The following RALGAPA1 variants were observed in gnomAD, a reference collection of about 807,000 sequenced individuals.
RALGAPA1 encodes ral GTPase-activating protein subunit alpha-1.
RALGAPA1 carries 52 observed loss-of-function variants against 269.6 expected under a neutral mutation model. That is an observed-to-expected ratio of 0.19 (90% confidence interval 0.15 to 0.24). The LOEUF is 0.24. RALGAPA1 is among the 10% of genes least tolerant of loss of function. The pLI is 1.00. For synonymous variants in RALGAPA1, 817 were observed against 1,008.3 expected, an observed-to-expected ratio of 0.81 and a Z score of 3.60; for missense variants, 1,917 against 3,013.9, an observed-to-expected ratio of 0.64 and a Z score of 8.52.
chr14:35,582,420 T>C (rs1396695022), intron 37 of RALGAPA1, among the ~76,000 whole-genome samples: 2 of 152,208 alleles, frequency 1.3e-5, no homozygotes, highest in Admixed American at 1.3e-4. Context: ...CAACAATTCT[T>C]TTTAGCATCA....
intron 1 of RALGAPA1, among the ~76,000 whole-genome samples, chr14:35,785,698 C>A (rs2075750136): frequency 6.6e-6 from 1 of 152,176 alleles, no homozygotes; most frequent in South Asian, 2.1e-4. Context: ...CAGGATTGGT[C>A]TACACCCCAT....
chr14:35,623,277 A>G (rs1566850243), intron 35 of RALGAPA1, among the ~76,000 whole-genome samples: 1 of 152,130 alleles, frequency 6.6e-6, no homozygotes, highest in Admixed American at 6.6e-5. Context: ...CTAAACAACC[A>G]GGAAAGCTCC....
chr14:35,769,065 T>TATAC (rs1237249622), intron 4 of RALGAPA1, among the ~76,000 whole-genome samples: 50 of 77,772 alleles, frequency 6.4e-4, no homozygotes, highest in African/African-American at 2.0e-3. Flanking sequence ...TATATATATA[T>TATAC]ACACACACAT....
chr14:35,675,990 T>G (rs2064902060), intron 22 of RALGAPA1, among the ~76,000 whole-genome samples: 1 of 152,016 alleles, frequency 6.6e-6, no homozygotes, highest in Non-Finnish European at 1.5e-5. Flanking sequence ...AAGGTACTAG[T>G]CTTTCTCCAT....
At chr14:35,641,721 C>T (rs997223864) in intron 31 of RALGAPA1, among the ~76,000 whole-genome samples, 2 of 152,152 alleles carry the variant, frequency 1.3e-5, no homozygotes, top group African/African-American at 4.8e-5. Flanking sequence ...ATGCCAATGA[C>T]ATTCTTTATA....
At chr14:35,755,555 G>A (rs965005666) in intron 7 of RALGAPA1, among the ~76,000 whole-genome samples, 3 of 133,662 alleles carry the variant, frequency 2.2e-5, no homozygotes, top group Admixed American at 7.0e-5. Flanking sequence ...TCTATATGAA[G>A]TACAAAAGTA....
In RALGAPA1 at chr14:35,676,229, G is replaced by A. The variant is rs1280481576; in HGVS notation, c.4625-1520C>T. On this transcript the variant is annotated intron_variant, in intron 22 of 41. Coordinates refer to ENST00000680220, the MANE Select transcript of RALGAPA1 (RefSeq NM_001346249.2). ...TGATTAAATTCTTTTTTTTTTTTTTGAGACAGTCTCACTCTGTTACCCAGG... is the reference window on the plus strand; with the variant it reads ...TGATTAAATTCTTTTTTTTTTTTTTAAGACAGTCTCACTCTGTTACCCAGG... The A allele has an allele frequency of 3.0e-5, 4 of 132,812 alleles. No homozygotes were observed. In the East Asian group the frequency reaches 8.6e-4, roughly 29 times the overall value. 8.2% of individuals were successfully genotyped at this position (132,812 alleles called of 1,614,324 possible). A position where few individuals can be genotyped will look rare whatever the true frequency, so the allele number is the denominator to read the frequency against.
chr14:35,572,445 C>T, intron 38 of RALGAPA1, 115 bp downstream of exon 38: 1 of 749,068 alleles, frequency 1.3e-6, no homozygotes, highest in Non-Finnish European at 2.1e-6. Flanking sequence ...AACATTTACC[C>T]TCAGTTTCAC....
At chr14:35,637,961 T>C (rs1448364035) in intron 31 of RALGAPA1, among the ~76,000 whole-genome samples, 2 of 152,194 alleles carry the variant, frequency 1.3e-5, no homozygotes, top group Non-Finnish European at 2.9e-5. Flanking sequence ...AAATAATATA[T>C]CCAGTGAAAA....
chr14:35,659,667 C>T (rs1207242463), intron 27 of RALGAPA1, among the ~76,000 whole-genome samples: 3 of 150,392 alleles, frequency 2.0e-5, no homozygotes, highest in African/African-American at 4.9e-5. Context: ...AAGGCATTAC[C>T]AGAAAAAAAA....
intron 31 of RALGAPA1, among the ~76,000 whole-genome samples, chr14:35,645,954 A>C (rs964088941): frequency 6.6e-6 from 1 of 152,132 alleles, no homozygotes; most frequent in African/African-American, 2.4e-5. Flanking sequence ...AAAAGAAGCC[A>C]CTTTGAAGGG....
intron 4 of RALGAPA1, among the ~76,000 whole-genome samples, chr14:35,768,957 G>A (rs1373086169): frequency 1.6e-5 from 2 of 125,050 alleles, no homozygotes; most frequent in Admixed American, 9.8e-5. Flanking sequence ...GTGGTGAGCC[G>A]AGATAGTGCC....
intron 20 of RALGAPA1, among the ~76,000 whole-genome samples, chr14:35,684,415 C>A (rs8007570): frequency 0.022 from 3,310 of 152,206 alleles, 121 homozygotes; most frequent in African/African-American, 0.075. Flanking sequence ...TGAACATAAT[C>A]CAAATATTTG....
At chr14:35,575,891 GC>G (rs2057528150) in intron 37 of RALGAPA1, among the ~76,000 whole-genome samples, 1 of 152,124 alleles carries the variant, frequency 6.6e-6, no homozygotes, top group Non-Finnish European at 1.5e-5. Flanking sequence ...ACCGTGCCTG[GC>G]CCCCATTTCA....
chr14:35,764,382 G>A (rs2073969953), intron 4 of RALGAPA1, among the ~76,000 whole-genome samples: 3 of 151,026 alleles, frequency 2.0e-5, no homozygotes, highest in African/African-American at 7.3e-5. Flanking sequence ...CACTACACCT[G>A]GCCTTCTTTA....
At chr14:35,772,613 TTAAATGAATGC>T (rs1567200576) in intron 3 of RALGAPA1, among the ~76,000 whole-genome samples, 1 of 152,184 alleles carries the variant, frequency 6.6e-6, no homozygotes, top group Non-Finnish European at 1.5e-5. Context: ...TAGAACTCCA[TTAAATGAATGC>T]TAATAAGGGC....
chr14:35,801,459 G>A (rs931863042), intron 1 of RALGAPA1, among the ~76,000 whole-genome samples: 1 of 151,996 alleles, frequency 6.6e-6, no homozygotes, highest in African/African-American at 2.4e-5. Context: ...GTTCACACAG[G>A]GTTTCAGTAT....
intron 31 of RALGAPA1, among the ~76,000 whole-genome samples, chr14:35,639,846 G>C (rs948382039): frequency 2.0e-5 from 3 of 151,926 alleles, no homozygotes; most frequent in African/African-American, 7.3e-5. Context: ...GGCTGAGGCA[G>C]GAGAATGGTG....
intron 35 of RALGAPA1, among the ~76,000 whole-genome samples, chr14:35,610,744 C>T (rs1021763252): frequency 1.1e-4 from 17 of 151,950 alleles, no homozygotes; most frequent in Admixed American, 2.0e-4. Context: ...CTAAGGAATC[C>T]GCTAAAAAGG....
Sources: allele counts gnomAD v4.1 joint callset (sites outside exome capture counted in the v4.1 genomes callset), GRCh38; gene constraint gnomAD v4.1.1; transcripts MANE v1.5; gene names NCBI Gene and HGNC (gene_info 2026-07-23, HGNC 2026-07-21).